The following SIL1 variants were observed in gnomAD, a reference collection of about 807,000 sequenced individuals.
SIL1 encodes the protein nucleotide exchange factor SIL1.
SIL1 carries 40 observed loss-of-function variants against 49.1 expected under a neutral mutation model. That is an observed-to-expected ratio of 0.81 (90% CI 0.63 to 1.06). The LOEUF is 1.06. SIL1 is among the 50% of genes least tolerant of loss of function. SIL1 has a pLI of 0.00. For synonymous variants in SIL1, 253 were observed against 250.8 expected (o/e 1.01, Z -0.08); for missense variants, 500 against 572.6 (o/e 0.87, Z 1.29).
chr5:139,045,516 C>T (rs1013699407), intron 4 of SIL1, among the ~76,000 whole-genome samples: 2 of 152,118 alleles, frequency 1.3e-5, no homozygotes, highest in Non-Finnish European at 2.9e-5. Context: ...TTCTCCACCT[C>T]GACATCCTCC....
chr5:139,056,851 C>G (rs890145804), intron 3 of SIL1, among the ~76,000 whole-genome samples: 1 of 151,842 alleles, frequency 6.6e-6, no homozygotes, highest in Non-Finnish European at 1.5e-5. Flanking sequence ...GCCATGATGA[C>G]AATGGCGGTT....
chr5:139,053,787 C>T (rs1769343286), intron 3 of SIL1, among the ~76,000 whole-genome samples: 1 of 152,248 alleles, frequency 6.6e-6, no homozygotes, highest in African/African-American at 2.4e-5. Flanking sequence ...AAAGTCACTT[C>T]TTCTGAAAGG....
intron 3 of SIL1, among the ~76,000 whole-genome samples, chr5:139,106,451 C>T (rs1423274941): frequency 6.6e-6 from 1 of 152,190 alleles, no homozygotes; most frequent in African/African-American, 2.4e-5. Flanking sequence ...ATTGAGTAAT[C>T]CACATACATC....
At chr5:139,073,111 T>G in intron 3 of SIL1, among the ~76,000 whole-genome samples, 1 of 152,154 alleles carries the variant, frequency 6.6e-6, no homozygotes, top group Middle Eastern at 3.2e-3. Context: ...GATGGGAATG[T>G]GAATTAGAAT....
chr5:139,000,945 T>C (rs1202146704), intron 7 of SIL1, among the ~76,000 whole-genome samples: 1 of 151,482 alleles, frequency 6.6e-6, no homozygotes, highest in Admixed American at 6.6e-5. Context: ...AAAGACTCTA[T>C]GGGAAAAAAT....
At chr5:139,040,716 C>T (rs958025738) in intron 5 of SIL1, among the ~76,000 whole-genome samples, 3 of 151,928 alleles carry the variant, frequency 2.0e-5, no homozygotes, top group African/African-American at 7.3e-5. Context: ...CCAGGCTAGT[C>T]TCAAACTCCT....
intron 1 of SIL1, among the ~76,000 whole-genome samples, chr5:139,156,989 TCTATA>T (rs547416301): frequency 1.3e-5 from 2 of 152,310 alleles, no homozygotes; most frequent in East Asian, 3.9e-4. Flanking sequence ...TTGCTCCTTT[TCTATA>T]CACAGCCTCC....
rs536354570 is a variant in SIL1, at chr5:139,023,076, A to T, written c.646-1784T>A. 1.2e-3 allele frequency among the ~76,000 whole-genome samples: 189 copies of T among 152,344 alleles called. 3 individuals are homozygous for T. The highest frequency in any genetic ancestry group is 4.4e-3 in the African/African-American group (183 of 41,584). ...GGACCTTCTGTTCTAGAGTCAGTTT[A>T]TCTACTATTACTACAATGATAATTC... On this transcript the variant is annotated intron_variant, in intron 6 of 9. Transcript: ENST00000394817.
chr5:139,169,586 A>G (rs1053812721), intron 1 of SIL1, among the ~76,000 whole-genome samples: 1 of 150,602 alleles, frequency 6.6e-6, no homozygotes, highest in African/African-American at 2.4e-5. Context: ...GGTTTAAGCG[A>G]TTCTCCTGCC....
chr5:138,968,941 C>CCCT (rs1398956345), intron 7 of SIL1, among the ~76,000 whole-genome samples: 1 of 152,156 alleles, frequency 6.6e-6, no homozygotes, highest in African/African-American at 2.4e-5. Context: ...CTCCCCATCT[C>CCCT]CCTGCACTTT....
intron 7 of SIL1, among the ~76,000 whole-genome samples, chr5:139,001,018 C>T (rs971542941): frequency 1.2e-4 from 18 of 152,082 alleles, no homozygotes; most frequent in Admixed American, 8.5e-4. Flanking sequence ...CAAAAACCTA[C>T]ATAATCCAAA....
chr5:139,183,126 G>A (rs564691114), intron 1 of SIL1, among the ~76,000 whole-genome samples: 9 of 152,288 alleles, frequency 5.9e-5, no homozygotes, highest in African/African-American at 2.2e-4. Context: ...CACCAGTAAG[G>A]TCCTAAGTCA....
intron 4 of SIL1, among the ~76,000 whole-genome samples, chr5:139,042,928 C>T (rs1225218226): frequency 1.3e-5 from 2 of 152,142 alleles, no homozygotes; most frequent in African/African-American, 2.4e-5. Flanking sequence ...CCCAGGGGTT[C>T]GAGGCTGTGG....
chr5:139,140,697 G>A (rs2151801162), intron 1 of SIL1, among the ~76,000 whole-genome samples: 1 of 152,274 alleles, frequency 6.6e-6, no homozygotes, highest in South Asian at 2.1e-4. Context: ...TACAAGGGAT[G>A]GTAGGAAGCT....
chr5:138,958,572 T>C (rs1766949671), intron 7 of SIL1, among the ~76,000 whole-genome samples: 1 of 152,090 alleles, frequency 6.6e-6, no homozygotes, highest in African/African-American at 2.4e-5. Context: ...GCATCTTAAG[T>C]CCAAAAATCT....
intron 3 of SIL1, among the ~76,000 whole-genome samples, chr5:139,100,003 T>C (rs1021245942): frequency 6.6e-5 from 10 of 152,210 alleles, no homozygotes; most frequent in African/African-American, 2.4e-4. Context: ...ATGTGATTAT[T>C]ACCCATTGCA....
chr5:139,188,870 T>A (rs575182686), intron 1 of SIL1, among the ~76,000 whole-genome samples: 116 of 152,280 alleles, frequency 7.6e-4, no homozygotes, highest in African/African-American at 2.7e-3. Context: ...CCTGCTGGCT[T>A]GAGCACCTGA....
intron 3 of SIL1, among the ~76,000 whole-genome samples, chr5:139,088,357 G>A (rs1770271319): frequency 6.6e-6 from 1 of 152,192 alleles, no homozygotes; most frequent in Non-Finnish European, 1.5e-5. Flanking sequence ...TCTAATAAGT[G>A]GGATTTCATT....
rs1278390716 is a variant in SIL1, at chr5:139,140,202, G to A, written c.-10-12349C>T. On this transcript the variant is annotated intron_variant, in intron 1 of 9. Coordinates refer to ENST00000394817, the MANE Select transcript of SIL1 (RefSeq NM_022464.5). ...AGAGAATTGCTTGAGCCTGGGAGGC[G>A]GAGGTTGCAGTGAGCCGAGATCGAG... 3.9e-5 allele frequency among the ~76,000 whole-genome samples: 6 copies of A among 151,980 alleles called. No individual in the cohort carries two copies. In the East Asian group the frequency reaches 5.8e-4, roughly 15 times the overall value.
Sources: allele counts gnomAD v4.1 joint callset (sites outside exome capture counted in the v4.1 genomes callset), GRCh38; gene constraint gnomAD v4.1.1; transcripts MANE v1.5; gene names NCBI Gene and HGNC (gene_info 2026-07-23, HGNC 2026-07-21).